The following STRN3 variants were observed in gnomAD, a reference collection of about 807,000 sequenced individuals.
The protein encoded by STRN3 is striatin 3.
In STRN3, 29 loss-of-function variants were observed where a neutral mutation model predicts 95.6. The ratio of observed to expected loss-of-function variants is 0.30; its 90% confidence interval spans 0.23 to 0.41. The LOEUF (loss-of-function observed/expected upper bound fraction) is 0.41. Among genes scored for constraint, STRN3 ranks in the 10% least tolerant of loss-of-function variants. STRN3 has a pLI of 1.00. For synonymous variants in STRN3, 331 were observed against 357.6 expected (o/e 0.93, Z 0.84); for missense variants, 890 against 972.1 (o/e 0.92, Z 1.12).
In STRN3 at chr14:31,024,741, A is replaced by G. The variant is rs376687576; in HGVS notation, c.282+1163T>C. Among the ~76,000 whole-genome samples the G allele has an allele frequency of 5.3e-5, 8 of 152,342 alleles. No homozygotes were observed. In the South Asian group the frequency reaches 8.3e-4, roughly 16 times the overall value. On this transcript the variant is annotated intron_variant, in intron 1 of 17. Coordinates refer to ENST00000357479, the MANE Select transcript of STRN3 (RefSeq NM_001083893.2). ...ATTTGCCTAACGATTCACCATAGGC[A>G]TATGACATATATGACAGCAAATACT... is the stretch of plus-strand genomic sequence containing the variant.
chr14:30,982,714 G>A (rs1645493830), intron 1 of STRN3, among the ~76,000 whole-genome samples: 2 of 152,166 alleles, frequency 1.3e-5, no homozygotes, highest in African/African-American at 4.8e-5. Flanking sequence ...AAAAGAGGAA[G>A]TTTACCCCCT....
At chr14:30,991,151 C>T (rs1037762265) in intron 1 of STRN3, among the ~76,000 whole-genome samples, 1 of 152,062 alleles carries the variant, frequency 6.6e-6, no homozygotes, top group African/African-American at 2.4e-5. Flanking sequence ...ATGATCATAC[C>T]ATTTGGTTTG....
chr14:30,976,788 G>T (rs993588375), intron 1 of STRN3, among the ~76,000 whole-genome samples: 6 of 152,204 alleles, frequency 3.9e-5, no homozygotes, highest in African/African-American at 1.4e-4. Context: ...GAAGTATCAG[G>T]ATAAGTTTTA....
Position 30,912,030 on chromosome 14 carries a change from C to T in STRN3, c.1527G>A (p.Leu509=), listed in dbSNP as rs1256389321. The change falls in exon 11 of 18, where the codon CTG becomes CTA. Residue 509 remains leucine, a synonymous_variant. Transcript: ENST00000357479. ...GCTTTTTGGCAGGAACTGTTTTTTGCAGGTTCCAAAGTTTCAGGGTATGGT... is the reference window on the plus strand; with the variant it reads ...GCTTTTTGGCAGGAACTGTTTTTTGTAGGTTCCAAAGTTTCAGGGTATGGT... ...SEDHTLKLWN[L]QKTVPAKKSA... 14 of 1,607,142 alleles carry T rather than the reference C, an allele frequency of 8.7e-6. No homozygotes were observed. The highest frequency in any genetic ancestry group is 8.6e-5 in the Admixed American group (5 of 58,014).
At chr14:31,012,325 G>A (rs375495170) in intron 1 of STRN3, among the ~76,000 whole-genome samples, 1 of 152,108 alleles carries the variant, frequency 6.6e-6, no homozygotes, top group Non-Finnish European at 1.5e-5. Flanking sequence ...AGCTTTCAAA[G>A]CAAAAACATC....
At chr14:30,977,813 A>C (rs1025160208) in intron 1 of STRN3, among the ~76,000 whole-genome samples, 1 of 150,974 alleles carries the variant, frequency 6.6e-6, no homozygotes, top group African/African-American at 2.4e-5. Context: ...AAAAAAAAAA[A>C]AAAACATGAA....
chr14:30,989,407 A>T (rs1881842665), intron 1 of STRN3, among the ~76,000 whole-genome samples: 2 of 152,148 alleles, frequency 1.3e-5, no homozygotes, highest in African/African-American at 4.8e-5. Context: ...AAGGTAGTAG[A>T]TTGGGAGGTA....
In STRN3 at chr14:30,901,548, A is replaced by G. The variant is rs577456460; in HGVS notation, c.2137+988T>C. ...TTTGTTACCCTGTAACAATGTTGCA[A>G]TTAACATTTACATTTCTTATTTAGA... is the stretch of plus-strand genomic sequence containing the variant. On this transcript the variant is annotated intron_variant, in intron 16 of 17. Coordinates refer to ENST00000357479, the MANE Select transcript of STRN3 (RefSeq NM_001083893.2). Among the ~76,000 whole-genome samples, 3 of 152,334 alleles carry G rather than the reference A, an allele frequency of 2.0e-5. No homozygotes were observed. In the East Asian group the frequency reaches 5.8e-4, roughly 29 times the overall value.
At chr14:30,972,393 A>G (rs1470106959) in intron 1 of STRN3, among the ~76,000 whole-genome samples, 1 of 152,206 alleles carries the variant, frequency 6.6e-6, no homozygotes, top group Non-Finnish European at 1.5e-5. Context: ...AAGGGGCCAC[A>G]TGCATCAGGG....
At chr14:30,947,392 T>C in intron 4 of STRN3, 129 bp from the exon 5 acceptor site, 2 of 677,302 alleles carry the variant, frequency 3.0e-6, no homozygotes, top group Non-Finnish European at 4.6e-6. Context: ...ATCTTTCTTC[T>C]CTACAGACTA....
At chr14:31,015,565 G>GT (rs1190910178) in intron 1 of STRN3, among the ~76,000 whole-genome samples, 1 of 151,172 alleles carries the variant, frequency 6.6e-6, no homozygotes, top group Non-Finnish European at 1.5e-5. Flanking sequence ...TAGAGACAGG[G>GT]TTTCACCATG....
chr14:30,951,528 G>A lies in STRN3; in HGVS notation c.461-584C>T, dbSNP rs184973092. Among the ~76,000 whole-genome samples, 30 of 152,190 alleles carry A rather than the reference G, an allele frequency of 2.0e-4. 1 individual carries two copies. The East Asian group carries it at 5.8e-3, about 29-fold the overall frequency. ...ATTACAGGTGTGAACCACCATGCCT[G>A]GCAATTTAATTTTTTTTAACTACTA... On this transcript the variant is annotated intron_variant, in intron 3 of 17. Coordinates refer to ENST00000357479, the MANE Select transcript of STRN3 (RefSeq NM_001083893.2).
At chr14:31,013,747 T>A (rs1191980873) in intron 1 of STRN3, among the ~76,000 whole-genome samples, 1 of 150,420 alleles carries the variant, frequency 6.6e-6, no homozygotes, top group Non-Finnish European at 1.5e-5. Context: ...CATGTCACTA[T>A]GTCTGGCTAA....
At chr14:31,020,749 A>C (rs762304762) in intron 1 of STRN3, among the ~76,000 whole-genome samples, 11 of 152,092 alleles carry the variant, frequency 7.2e-5, no homozygotes, top group Non-Finnish European at 1.3e-4. Flanking sequence ...CCTGAACTAA[A>C]AATAAAAACA....
In STRN3 at chr14:30,895,589, G is replaced by T. The variant is rs761304632; in HGVS notation, c.2225-9C>A. On this transcript the variant is annotated splice_polypyrimidine_tract_variant and intron_variant, in intron 17 of 17. Transcript: ENST00000357479. Reference sequence around the variant, plus strand: ...GATGGAACAGTCATGGCCTGTAAAAGAACAAATAAAATTTGTTACTGAGTA... The same window carrying T: ...GATGGAACAGTCATGGCCTGTAAAATAACAAATAAAATTTGTTACTGAGTA... 6.2e-6 allele frequency: 10 copies of T among 1,610,204 alleles called. No individual in the cohort carries two copies. In the East Asian group the frequency reaches 2.2e-4, roughly 36 times the overall value.
chr14:30,950,359 C>A (rs1879578114), intron 4 of STRN3, among the ~76,000 whole-genome samples: 1 of 151,920 alleles, frequency 6.6e-6, no homozygotes, highest in Non-Finnish European at 1.5e-5. Flanking sequence ...CCAAAATTTT[C>A]AAAATATAAG....
chr14:31,012,449 T>A (rs913537669), intron 1 of STRN3, among the ~76,000 whole-genome samples: 1 of 152,200 alleles, frequency 6.6e-6, no homozygotes, highest in East Asian at 1.9e-4. Flanking sequence ...ACAACAGAGT[T>A]TGAGGCAGCA....
rs955037147 is a variant in STRN3, at chr14:30,992,467, G to T, written c.282+33437C>A. Among the ~76,000 whole-genome samples the T allele has an allele frequency of 4.9e-4, 74 of 150,570 alleles. 2 individuals are homozygous for T. The highest frequency in any genetic ancestry group is 3.3e-3 in the Admixed American group (50 of 15,028). On this transcript the variant is annotated intron_variant, in intron 1 of 17. Transcript: ENST00000357479. ...TAAGTGTCTTGCTGTTGCCCAGGCT[G>T]GTCTCAAACTTCTAGGATCAACTGA...
chr14:30,996,446 T>C (rs187479114), intron 1 of STRN3, among the ~76,000 whole-genome samples: 7 of 152,342 alleles, frequency 4.6e-5, no homozygotes, highest in Admixed American at 3.9e-4. Context: ...ACTTGGGCTT[T>C]GCATCATTTC....
Sources: allele counts gnomAD v4.1 joint callset (sites outside exome capture counted in the v4.1 genomes callset), GRCh38; gene constraint gnomAD v4.1.1; transcripts MANE v1.5; gene names NCBI Gene and HGNC (gene_info 2026-07-23, HGNC 2026-07-21).